RBFOX1: variants seen among roughly 807,000 people sequenced by gnomAD.
The protein encoded by RBFOX1 is RNA binding protein fox-1 homolog 1.
In RBFOX1, 8 loss-of-function variants were observed where a neutral mutation model predicts 57.7. That is an observed-to-expected ratio of 0.14 (90% CI 0.08 to 0.25). The LOEUF is 0.25. RBFOX1 is among the 10% of genes least tolerant of loss of function. The pLI, the probability that RBFOX1 is intolerant of heterozygous loss-of-function variation, is 1.00. For missense variants in RBFOX1, 611 were observed against 548.5 expected, an observed-to-expected ratio of 1.11 and a Z score of -1.14; for synonymous variants, 326 against 222.4, an observed-to-expected ratio of 1.47 and a Z score of -4.15.
chr16:5,944,901 G>C (rs2059365986), intron 4 of RBFOX1, among the ~76,000 whole-genome samples: 3 of 142,648 alleles, frequency 2.1e-5, no homozygotes, highest in Non-Finnish European at 1.5e-5. Flanking sequence ...AGGAGGCAGA[G>C]GTTGCAATGA....
At chr16:6,653,235 C>T (rs1415471082) in intron 2 of RBFOX1, among the ~76,000 whole-genome samples, 1 of 152,096 alleles carries the variant, frequency 6.6e-6, no homozygotes, top group African/African-American at 2.4e-5. Flanking sequence ...CATTTCCCAC[C>T]CCCTTCTCCT....
intron 1 of RBFOX1, among the ~76,000 whole-genome samples, chr16:6,095,493 G>A (rs527323814): frequency 6.6e-6 from 1 of 152,122 alleles, no homozygotes; most frequent in Non-Finnish European, 1.5e-5. Flanking sequence ...TTCTCTTTCA[G>A]TTTCTGGGTT....
intron 1 of RBFOX1, among the ~76,000 whole-genome samples, chr16:5,417,905 A>T (rs1274853088): frequency 2.6e-5 from 4 of 152,066 alleles, no homozygotes; most frequent in Non-Finnish European, 4.4e-5. Context: ...ACATAGTGGA[A>T]CCGCATCTCT....
chr16:6,548,997 C>T (rs1599519614), intron 2 of RBFOX1, among the ~76,000 whole-genome samples: 1 of 149,972 alleles, frequency 6.7e-6, no homozygotes. Flanking sequence ...TTCACTTGAA[C>T]CCTGGAGGTG....
chr16:6,339,622 G>A (rs1168461502), intron 2 of RBFOX1, among the ~76,000 whole-genome samples: 1 of 151,792 alleles, frequency 6.6e-6, no homozygotes. Context: ...TGTTGGATTT[G>A]ATAAACATCT....
intron 2 of RBFOX1, among the ~76,000 whole-genome samples, chr16:6,607,107 A>T (rs1034009343): frequency 1.3e-5 from 2 of 152,164 alleles, no homozygotes; most frequent in East Asian, 3.9e-4. Context: ...CTACTGACTA[A>T]TAGTCCCTGA....
intron 1 of RBFOX1, among the ~76,000 whole-genome samples, chr16:5,341,681 G>T (rs1304187316): frequency 2.6e-5 from 4 of 152,218 alleles, no homozygotes; most frequent in Non-Finnish European, 5.9e-5. Flanking sequence ...ATTTTAGGGT[G>T]AGGGCATCTT....
intron 3 of RBFOX1, among the ~76,000 whole-genome samples, chr16:6,737,240 A>G (rs983243124): frequency 6.6e-6 from 1 of 152,220 alleles, no homozygotes; most frequent in African/African-American, 2.4e-5. Context: ...AAGGGTTATG[A>G]TATTTTTGCA....
intron 4 of RBFOX1, among the ~76,000 whole-genome samples, chr16:7,411,348 T>C (rs2098423096): frequency 6.6e-6 from 1 of 152,158 alleles, no homozygotes; most frequent in Non-Finnish European, 1.5e-5. Context: ...CAATTCCACA[T>C]TAGTTTCCCC....
intron 3 of RBFOX1, among the ~76,000 whole-genome samples, chr16:5,614,158 G>T (rs2047931710): frequency 6.6e-6 from 1 of 152,160 alleles, no homozygotes; most frequent in African/African-American, 2.4e-5. Flanking sequence ...TGCGGATCAG[G>T]TGGTTGGGGG....
At chr16:6,598,498 G>T (rs17140692) in intron 2 of RBFOX1, among the ~76,000 whole-genome samples, 1 of 152,142 alleles carries the variant, frequency 6.6e-6, no homozygotes, top group Non-Finnish European at 1.5e-5. Context: ...TAAAGAGGAC[G>T]TCAGACCGAT....
intron 2 of RBFOX1, among the ~76,000 whole-genome samples, chr16:5,508,917 G>A (rs1356845263): frequency 1.3e-5 from 2 of 152,300 alleles, no homozygotes; most frequent in East Asian, 1.9e-4. Flanking sequence ...GTTCTGCCGC[G>A]TCTCTCCAGC....
At chr16:6,885,373 G>A (rs984632883) in intron 3 of RBFOX1, among the ~76,000 whole-genome samples, 3 of 152,100 alleles carry the variant, frequency 2.0e-5, no homozygotes, top group South Asian at 2.1e-4. Flanking sequence ...GGGGGTTGCC[G>A]AAGCATGCTC....
At chr16:7,371,055 C>G (rs1320990836) in intron 4 of RBFOX1, among the ~76,000 whole-genome samples, 1 of 152,140 alleles carries the variant, frequency 6.6e-6, no homozygotes, top group Non-Finnish European at 1.5e-5. Flanking sequence ...TTTTGTTCTC[C>G]TCTCCTCTAA....
chr16:5,984,607 T>C (rs1357887887), intron 4 of RBFOX1, among the ~76,000 whole-genome samples: 1 of 152,084 alleles, frequency 6.6e-6, no homozygotes, highest in South Asian at 2.1e-4. Context: ...TATCTTACCA[T>C]GGGTCTGCAC....
chr16:7,218,989 T>C (rs1192101682), intron 4 of RBFOX1, among the ~76,000 whole-genome samples: 1 of 152,144 alleles, frequency 6.6e-6, no homozygotes, highest in Non-Finnish European at 1.5e-5. Context: ...AACTGCCTGT[T>C]ACATGCTGGT....
chr16:6,285,803 T>G (rs1349043840), intron 1 of RBFOX1, among the ~76,000 whole-genome samples: 1 of 152,162 alleles, frequency 6.6e-6, no homozygotes, highest in Non-Finnish European at 1.5e-5. Flanking sequence ...ACTGCTCTAG[T>G]TGCAGTGGAG....
rs563130749 is a variant in RBFOX1 at position 6,677,106 on chromosome 16, C to T, written c.-16+22456C>T. On this transcript the variant is annotated intron_variant, in intron 3 of 15. Coordinates refer to ENST00000550418, the MANE Select transcript of RBFOX1 (RefSeq NM_018723.4). ...TTACAAGCATGATTCATTTAATCTG[C>T]CTATTTAAAAAAGTAGATAGATACT... 4.6e-5 allele frequency among the ~76,000 whole-genome samples: 7 copies of T among 152,208 alleles called. No homozygotes were observed. The South Asian group carries it at 1.0e-3, about 23-fold the overall frequency.
intron 4 of RBFOX1, among the ~76,000 whole-genome samples, chr16:7,434,095 C>G (rs1159860622): frequency 1.3e-5 from 2 of 151,928 alleles, no homozygotes; most frequent in Non-Finnish European, 2.9e-5. Context: ...GAAGAAAGAT[C>G]AGGGCTGATT....
Sources: allele counts gnomAD v4.1 joint callset (sites outside exome capture counted in the v4.1 genomes callset), GRCh38; gene constraint gnomAD v4.1.1; transcripts MANE v1.5; gene names NCBI Gene and HGNC (gene_info 2026-07-23, HGNC 2026-07-21).